DHX37: variants seen among roughly 807,000 people sequenced by gnomAD.
DHX37 encodes DEAH-box helicase 37.
Under a neutral mutation model 134.3 loss-of-function variants are expected in DHX37, and 52 were observed. That is an observed-to-expected ratio of 0.39 (90% confidence interval 0.31 to 0.49). DHX37 has a LOEUF of 0.49. Ranked by LOEUF, DHX37 falls within the 20% of genes least tolerant of loss-of-function variation. DHX37 has a pLI of 0.93. For missense variants in DHX37, 1,344 were observed against 1,580.8 expected (o/e 0.85, Z 2.54); for synonymous variants, 634 against 670.7 (o/e 0.95, Z 0.85).
chr12:124,980,722 G>A lies in DHX37; in HGVS notation c.506C>T (p.Ser169Leu), dbSNP rs149384016. ...CGACTCCTCCTCCAGCTCCGATTCCGACTCCTCCTCCTCCTCCTCCTCCTC... is the reference window on the plus strand; with the variant it reads ...CGACTCCTCCTCCAGCTCCGATTCCAACTCCTCCTCCTCCTCCTCCTCCTC... The part of the protein sequence containing the change: ...AEEEEEEEEE[S>L]ESELEEESEL... The change falls in exon 4 of 27, where the codon TCG becomes TTG. Residue 169 changes from serine (S) to leucine (L), a missense_variant. This residue lies in a region of DHX37 where 319 missense variants were observed against 296.1 expected (regional missense o/e 1.08). Transcript: ENST00000308736. This position sits in a 1 kb window ranked among gnomAD's most constrained non-coding sequence, Gnocchi z 5.3. 4,592 of 1,562,002 alleles carry A rather than the reference G, an allele frequency of 2.9e-3. 225 individuals carry two copies. The Admixed American group carries it at 0.078, about 27-fold the overall frequency.
intron 6 of DHX37, among the ~76,000 whole-genome samples, chr12:124,974,323 T>C (rs879931418): frequency 3.9e-5 from 6 of 151,918 alleles, no homozygotes; most frequent in Non-Finnish European, 7.4e-5. Flanking sequence ...CCTAGACGCA[T>C]GCCAACTATG....
rs571636160 is a variant in DHX37 at position 124,956,580 on chromosome 12, C to G, written c.2453+111G>C. The G allele has an allele frequency of 3.6e-4, 490 of 1,353,492 alleles. 2 individuals are homozygous for G. The African/African-American group carries it at 6.9e-3, about 19-fold the overall frequency. 83.8% of individuals were successfully genotyped at this position (1,353,492 alleles called of 1,614,324 possible). A position where few individuals can be genotyped will look rare whatever the true frequency, so the allele number is the denominator to read the frequency against. On this transcript the variant is annotated intron_variant, in intron 18 of 26. Coordinates refer to ENST00000308736, the MANE Select transcript of DHX37 (RefSeq NM_032656.4). ...CTCAGCTCACTGCAACCTCTACCTCCTGGGTTCAAATGATTCTTCTACCTC... is the reference window on the plus strand; with the variant it reads ...CTCAGCTCACTGCAACCTCTACCTCGTGGGTTCAAATGATTCTTCTACCTC...
At position 124,986,287 on chromosome 12, in the gene DHX37, G is replaced by A. The variant is rs199772162; in HGVS notation, c.107-22C>T. 4 of 1,610,448 alleles carry A rather than the reference G, an allele frequency of 2.5e-6. No individual in the cohort carries two copies. The African/African-American group carries it at 5.4e-5, about 22-fold the overall frequency. ...TTGTCTGAGAGAGCACAGTTATTAAGTCCCCATTCTCCTTGAGGTAGCTCT... is the reference window on the plus strand; with the variant it reads ...TTGTCTGAGAGAGCACAGTTATTAAATCCCCATTCTCCTTGAGGTAGCTCT... On this transcript the variant is annotated intron_variant, in intron 1 of 26. Transcript: ENST00000308736.
In DHX37 at chr12:124,956,253, C is replaced by T. The variant is rs558510578; in HGVS notation, c.2453+438G>A. Among the ~76,000 whole-genome samples the T allele has an allele frequency of 1.2e-4, 18 of 152,312 alleles. No individual in the cohort carries two copies. In the East Asian group the frequency reaches 1.3e-3, roughly 11 times the overall value. ...GCGGTTTCAGGAGGAATGATGTGAACGCTGAAGACTTACCAAGCCCTTGAG... is the reference window on the plus strand; with the variant it reads ...GCGGTTTCAGGAGGAATGATGTGAATGCTGAAGACTTACCAAGCCCTTGAG... On this transcript the variant is annotated intron_variant, in intron 18 of 26. Coordinates refer to ENST00000308736, the MANE Select transcript of DHX37 (RefSeq NM_032656.4).
chr12:124,948,375 G>C, intron 25 of DHX37, 194 bp from the exon 26 acceptor site: 3 of 978,784 alleles, frequency 3.1e-6, no homozygotes, highest in Non-Finnish European at 2.9e-6. Flanking sequence ...CCTTGAGCCT[G>C]GGAGTTGGAG....
Position 124,947,803 on chromosome 12 carries a change from C to T in DHX37, c.3473G>A (p.Ter1158=), listed in dbSNP as rs1953902877. 1 of 1,571,392 alleles carries T rather than the reference C, an allele frequency of 6.4e-7. No homozygotes were observed. The highest frequency in any genetic ancestry group is 8.6e-7 in the Non-Finnish European group (1 of 1,158,254). The change falls in exon 27 of 27, where the codon TGA becomes TAA. Residue 1158 remains the stop codon, a stop_retained_variant. Coordinates refer to ENST00000308736, the MANE Select transcript of DHX37 (RefSeq NM_032656.4). ...EKAWPPTTVH[*] ...TCGGCCCTGCAGCCAGGTTTCTGGTCAGTGGACAGTGGTGGGGGGCCAGGC... is the reference window on the plus strand; with the variant it reads ...TCGGCCCTGCAGCCAGGTTTCTGGTTAGTGGACAGTGGTGGGGGGCCAGGC...
rs377114795 is a variant in DHX37 at position 124,966,751 on chromosome 12, G to A, written c.1590+42C>T. On this transcript the variant is annotated intron_variant, in intron 12 of 26. Transcript: ENST00000308736. ...GCTGGTAGCTGCCATCCTGGACAAC[G>A]CAGCCTTACTCTCCAGGAGTCCCTG... is the stretch of plus-strand genomic sequence containing the variant. 46 of 1,596,778 alleles carry A rather than the reference G, an allele frequency of 2.9e-5. No homozygotes were observed. The East Asian group carries it at 3.8e-4, about 13-fold the overall frequency.
chr12:124,972,460 A>G, intron 7 of DHX37, 43 bp downstream of exon 7: 1 of 1,606,458 alleles, frequency 6.2e-7, no homozygotes, highest in Non-Finnish European at 8.5e-7. Context: ...TCCCGCCCCC[A>G]TGCCCACTGG....
chr12:124,964,689 G>A lies in DHX37; in HGVS notation c.1813-63C>T, dbSNP rs1954341313. On this transcript the variant is annotated intron_variant, in intron 14 of 26. Transcript: ENST00000308736. ...ATCAGAAAAGAAATCGTGGAATGGA[G>A]GCTCAAGGACAAAGCCAGCCAGGCT... 4 of 1,590,840 alleles carry A rather than the reference G, an allele frequency of 2.5e-6. No homozygotes were observed. The Admixed American group carries it at 7.6e-5, about 30-fold the overall frequency.
intron 6 of DHX37, among the ~76,000 whole-genome samples, chr12:124,974,100 C>A (rs573291349): frequency 5.9e-5 from 9 of 151,936 alleles, no homozygotes; most frequent in Non-Finnish European, 1.3e-4. Flanking sequence ...ATTACAGGCA[C>A]CCGCCACTGC....
chr12:124,971,399 C>T lies in DHX37; in HGVS notation c.1094G>A (p.Arg365Gln), dbSNP rs369260098. Residue 365 changes from arginine (R) to glutamine (Q), a missense_variant, in exon 8 of 27, where the codon CGG becomes CAG. Coordinates refer to ENST00000308736, the MANE Select transcript of DHX37 (RefSeq NM_032656.4). ...CTCGTCGATGATCACCACCTTGTAC[C>T]GCAGCAGCAGGAAGTCCTGGGGGGA... ...KEIQKDFLLL[R>Q]YKVVIIDEAH... The T allele has an allele frequency of 1.1e-5, 18 of 1,613,146 alleles. No homozygotes were observed. Among genetic ancestry groups the T allele is most frequent in the East Asian group, 4.5e-5 (2 of 44,894 alleles).
rs1954370393 is a variant in DHX37, at chr12:124,965,693, G to A, written c.1710C>T (p.Asp570=). The change falls in exon 13 of 27, where the codon GAC becomes GAT. Residue 570 remains aspartate (D), a synonymous_variant. Coordinates refer to ENST00000308736, the MANE Select transcript of DHX37 (RefSeq NM_032656.4). ...CTCCATCTTGCCCGCCATCCCCCAG[G>A]TCCAGATCGAGGTCGGAGTCCAGGG... ...EGALDSDLDL[D]LGDGGQDGGE... 1.2e-6 allele frequency: 2 copies of A among 1,613,188 alleles called. No homozygotes were observed. Among genetic ancestry groups the A allele is most frequent in the East Asian group, 2.2e-5 (1 of 44,860 alleles).
intron 6 of DHX37, among the ~76,000 whole-genome samples, chr12:124,972,999 T>TG (rs755470336): frequency 2.0e-5 from 3 of 152,198 alleles, no homozygotes; most frequent in Non-Finnish European, 4.4e-5. Context: ...AAAATTAATC[T>TG]GGTGTGGTGG....
At chr12:124,977,566 C>G in intron 4 of DHX37, 76 bp from the exon 5 acceptor site, 5 of 1,468,474 alleles carry the variant, frequency 3.4e-6, no homozygotes, top group East Asian at 2.5e-5. Context: ...AAGGTGGCAG[C>G]TGACACATGG....
At chr12:124,969,049 C>T in intron 8 of DHX37, 81 bp from the exon 9 acceptor site, 1 of 1,353,206 alleles carries the variant, frequency 7.4e-7, no homozygotes, top group Non-Finnish European at 1.0e-6. Context: ...TGGGGGTGCC[C>T]TGCTGCCCAC....
chr12:124,950,741 C>G lies in DHX37; in HGVS notation c.2932G>C (p.Glu978Gln), dbSNP rs376940167. ...PSSVLFKELP[E>Q]FVVYQEIVET... ...ACGATTTCCTGGTAGACCACAAACT[C>G]GGGGAGCTCTTTGAAAAGGACGGAG... The change falls in exon 22 of 27, where the codon GAG (glutamate) becomes CAG (glutamine). Residue 978 changes from glutamate to glutamine, a missense_variant. By Grantham distance (29) the Glu-to-Gln change is conservative. Transcript: ENST00000308736. The G allele has an allele frequency of 1.1e-5, 17 of 1,610,072 alleles. No individual in the cohort carries two copies. In the South Asian group the frequency reaches 1.9e-4, roughly 18 times the overall value.
intron 2 of DHX37, among the ~76,000 whole-genome samples, chr12:124,983,418 TAC>T (rs141343765): frequency 0.3 from 43,858 of 147,880 alleles, 6,415 homozygotes; most frequent in East Asian, 0.32. Flanking sequence ...ATGTGTGTAT[TAC>T]ACACACACAC....
At chr12:124,979,203 C>CA (rs1954707654) in intron 4 of DHX37, among the ~76,000 whole-genome samples, 4 of 151,922 alleles carry the variant, frequency 2.6e-5, no homozygotes, top group South Asian at 2.1e-4. Flanking sequence ...CCCGTCTCTA[C>CA]AAAAAAAATA....
rs1953905442 is a variant in DHX37 at position 124,947,946 on chromosome 12, A to G, written c.3389-59T>C. 9.3e-6 allele frequency: 15 copies of G among 1,611,406 alleles called. No homozygotes were observed. The East Asian group carries it at 3.3e-4, about 36-fold the overall frequency. On this transcript the variant is annotated intron_variant, in intron 26 of 26. Coordinates refer to ENST00000308736, the MANE Select transcript of DHX37 (RefSeq NM_032656.4). ...GACCCTGGGCCCAGGGACTCTCCTC[A>G]GGTGGCAAAAAGCTGGCCAGCAGCC...
Sources: allele counts gnomAD v4.1 joint callset (sites outside exome capture counted in the v4.1 genomes callset), GRCh38; gene constraint gnomAD v4.1.1; regional missense constraint gnomAD v4.1.1; non-coding constraint Gnocchi (gnomAD v3.1); transcripts MANE v1.5; gene names NCBI Gene and HGNC (gene_info 2026-07-23, HGNC 2026-07-21).